RGS6: variants seen among roughly 807,000 people sequenced by gnomAD.
RGS6 encodes the protein regulator of G protein signaling 6.
A neutral mutation model predicts 78.5 loss-of-function variants in RGS6; 30 were observed. That is an observed-to-expected ratio of 0.38 (90% CI 0.29 to 0.52). RGS6 has a LOEUF of 0.52. Ranked by LOEUF, RGS6 falls within the 20% of genes least tolerant of loss-of-function variation. RGS6 has a pLI of 0.85. For synonymous variants in RGS6, 206 were observed against 206.0 expected (o/e 1.00, Z 0.00); for missense variants, 495 against 609.7 (o/e 0.81, Z 1.98).
chr14:72,586,579 T>C, the RGS6 span, among the ~76,000 whole-genome samples: 1 of 152,208 alleles, frequency 6.6e-6, no homozygotes, highest in South Asian at 2.1e-4. Flanking sequence ...TGGAGTAAGA[T>C]ACTGATCCTT....
At chr14:72,424,762 T>G (rs2094360101) in intron 3 of RGS6, among the ~76,000 whole-genome samples, 1 of 152,254 alleles carries the variant, frequency 6.6e-6, no homozygotes, top group Non-Finnish European at 1.5e-5. Context: ...ATTTTATTCA[T>G]TGTAAGATGC....
At chr14:72,560,797 CGTGTGTGTGTGTGTGTGTGTGTGTGT>C (rs57504072) in intron 17 of RGS6, among the ~76,000 whole-genome samples, 2 of 141,324 alleles carry the variant, frequency 1.4e-5, no homozygotes, top group Non-Finnish European at 3.1e-5. Context: ...ATTTTGTGGA[CGTGTGTGTGTGTGTGTGTGTGTGTGT>C]GTGTGTGTGT....
At chr14:72,277,975 C>G (rs1001853272) in intron 2 of RGS6, among the ~76,000 whole-genome samples, 6 of 152,058 alleles carry the variant, frequency 3.9e-5, no homozygotes, top group African/African-American at 1.2e-4. Context: ...CTACTTCCCC[C>G]ACCCCTAATA....
chr14:71,990,560 C>A (rs150383447), intron 2 of RGS6: 164 of 455,342 alleles, frequency 3.6e-4, no homozygotes, highest in Middle Eastern at 2.0e-3. Flanking sequence ...TGGAGAGGAT[C>A]ATTCCTGGGC....
intron 2 of RGS6, among the ~76,000 whole-genome samples, chr14:72,266,079 G>A (rs1032509492): frequency 6.6e-6 from 1 of 152,108 alleles, no homozygotes; most frequent in African/African-American, 2.4e-5. Flanking sequence ...TCATGATTTT[G>A]TGGATCGGGA....
chr14:72,569,660 G>A (rs948083047), downstream of RGS6, among the ~76,000 whole-genome samples: 2 of 144,036 alleles, frequency 1.4e-5, no homozygotes, highest in Non-Finnish European at 1.5e-5. Flanking sequence ...GGGCGACAGA[G>A]TGAGACTTGT....
the RGS6 span, chr14:72,619,478 G>A: frequency 4.8e-6 from 6 of 1,242,696 alleles, no homozygotes; most frequent in Non-Finnish European, 6.7e-6. Flanking sequence ...TGGCAATGCA[G>A]AAACCAAGTC....
intron 12 of RGS6, among the ~76,000 whole-genome samples, chr14:72,485,928 G>T (rs571627784): frequency 6.6e-6 from 1 of 152,124 alleles, no homozygotes; most frequent in Non-Finnish European, 1.5e-5. Context: ...ATACAACTTT[G>T]ATATGGTTTG....
the RGS6 span, among the ~76,000 whole-genome samples, chr14:72,582,473 G>A: frequency 6.6e-6 from 1 of 152,210 alleles, no homozygotes; most frequent in Admixed American, 6.5e-5. Flanking sequence ...TGGGGCAATA[G>A]CTTGAGGTGA....
intron 2 of RGS6, among the ~76,000 whole-genome samples, chr14:72,200,252 CCCA>C (rs2041187195): frequency 6.6e-6 from 1 of 152,100 alleles, no homozygotes; most frequent in Non-Finnish European, 1.5e-5. Context: ...ATTCAGGAGC[CCCA>C]CCTGCCAGAG....
intron 2 of RGS6, among the ~76,000 whole-genome samples, chr14:72,218,075 T>A (rs1018741621): frequency 6.6e-6 from 1 of 152,180 alleles, no homozygotes; most frequent in Admixed American, 6.5e-5. Flanking sequence ...TTCTATGGAA[T>A]GGATTATTAA....
intron 2 of RGS6, among the ~76,000 whole-genome samples, chr14:72,324,479 T>A (rs1156278374): frequency 6.6e-6 from 1 of 152,178 alleles, no homozygotes; most frequent in South Asian, 2.1e-4. Context: ...TTACATTAGG[T>A]ATATCTCCTA....
At chr14:71,948,601 C>T (rs897279351) in intron 1 of RGS6, among the ~76,000 whole-genome samples, 3 of 152,150 alleles carry the variant, frequency 2.0e-5, no homozygotes, top group Non-Finnish European at 4.4e-5. Flanking sequence ...GCAGTAAACA[C>T]ATCCATGTTA....
At chr14:72,597,460 C>T in the RGS6 span, among the ~76,000 whole-genome samples, 1 of 152,208 alleles carries the variant, frequency 6.6e-6, no homozygotes, top group Non-Finnish European at 1.5e-5. Context: ...CTGTGGGCCT[C>T]AGGCAGCCAC....
intron 1 of RGS6, among the ~76,000 whole-genome samples, chr14:71,960,707 T>C (rs1041185620): frequency 2.0e-5 from 3 of 152,238 alleles, no homozygotes; most frequent in Non-Finnish European, 4.4e-5. Context: ...CCACTTAATC[T>C]TTCTGGGATC....
the RGS6 span, among the ~76,000 whole-genome samples, chr14:71,870,390 TGAGGGTGG>T: frequency 2.6e-5 from 4 of 152,116 alleles, no homozygotes; most frequent in Non-Finnish European, 5.9e-5. Context: ...CCAGTGCTGT[TGAGGGTGG>T]GAAGGTGAAG....
the RGS6 span, among the ~76,000 whole-genome samples, chr14:72,621,159 A>G: frequency 2.7e-5 from 4 of 149,284 alleles, no homozygotes; most frequent in Non-Finnish European, 4.5e-5. Flanking sequence ...AAAAAAAAAG[A>G]CATCTACATG....
intron 2 of RGS6, among the ~76,000 whole-genome samples, chr14:71,982,581 G>A (rs143775187): frequency 1.1e-4 from 17 of 152,160 alleles, no homozygotes; most frequent in Middle Eastern, 3.4e-3. Context: ...AAAACCCTGG[G>A]TGCCCCTCCT....
At chr14:72,385,654 A>G in intron 3 of RGS6, among the ~76,000 whole-genome samples, 1 of 152,282 alleles carries the variant, frequency 6.6e-6, no homozygotes, top group South Asian at 2.1e-4. Context: ...CCAGGGACAC[A>G]AGGCTGGCTA....
Sources: allele counts gnomAD v4.1 joint callset (sites outside exome capture counted in the v4.1 genomes callset), GRCh38; gene constraint gnomAD v4.1.1; transcripts MANE v1.5; gene names NCBI Gene and HGNC (gene_info 2026-07-23, HGNC 2026-07-21).